The following SVEP1 variants were observed in gnomAD, a reference collection of about 807,000 sequenced individuals.
SVEP1 encodes sushi, von Willebrand factor type A, EGF and pentraxin domain-containing protein 1.
In SVEP1, 164 loss-of-function variants were observed where a neutral mutation model predicts 367.3. The ratio of observed to expected loss-of-function variants is 0.45; its 90% CI spans 0.39 to 0.51. SVEP1 has a LOEUF of 0.51. Ranked by LOEUF, SVEP1 falls within the 20% of genes least tolerant of loss-of-function variation. The probability of loss-of-function intolerance (pLI) is 0.00; values close to 1 mark genes in which losing one functional copy is unlikely to be tolerated. For synonymous variants in SVEP1, 1,666 were observed against 1,611.6 expected, an observed-to-expected ratio of 1.03 and a Z score of -0.81; for missense variants, 4,117 against 4,425.3, an observed-to-expected ratio of 0.93 and a Z score of 1.98.
chr9:110,462,448 GTATT>G (rs1828871391), intron 18 of SVEP1, among the ~76,000 whole-genome samples: 1 of 150,870 alleles, frequency 6.6e-6, no homozygotes, highest in Non-Finnish European at 1.5e-5. Context: ...ATTTAATAGA[GTATT>G]TATATATGTA....
chr9:110,449,265 A>G (rs1828654689), intron 24 of SVEP1, among the ~76,000 whole-genome samples: 1 of 152,206 alleles, frequency 6.6e-6, no homozygotes, highest in South Asian at 2.1e-4. Flanking sequence ...TACTATTTTC[A>G]GCCACAAAAG....
chr9:110,446,400 G>GGAGGTGCTGCAAGGGC (rs1456136782), intron 25 of SVEP1, among the ~76,000 whole-genome samples: 4 of 152,158 alleles, frequency 2.6e-5, no homozygotes, highest in African/African-American at 9.7e-5. Flanking sequence ...GAGAGAAGGA[G>GGAGGTGCTGCAAGGGC]GAGGTGCTGC....
chr9:110,443,849 C>CTT, intron 26 of SVEP1, 129 bp from the exon 27 acceptor site: 7 of 673,874 alleles, frequency 1.0e-5, no homozygotes, highest in Non-Finnish European at 1.5e-5. Flanking sequence ...ATCCATTACT[C>CTT]TTTTTTTTTC....
chr9:110,385,474 C>A (rs189803902), intron 43 of SVEP1, among the ~76,000 whole-genome samples: 1 of 152,276 alleles, frequency 6.6e-6, no homozygotes, highest in Non-Finnish European at 1.5e-5. Context: ...TCCTCATCAG[C>A]AACATCTAGA....
intron 30 of SVEP1, among the ~76,000 whole-genome samples, chr9:110,433,377 A>C (rs1172839957): frequency 2.0e-5 from 3 of 151,570 alleles, no homozygotes; most frequent in African/African-American, 4.8e-5. Flanking sequence ...AAAAAAAAAA[A>C]AAAAAAAAAA....
At position 110,411,054 on chromosome 9, in the gene SVEP1, G is replaced by T. The variant is rs189932278; in HGVS notation, c.6648+9C>A. 2.3e-5 allele frequency: 36 copies of T among 1,544,068 alleles called. No homozygotes were observed. In the Admixed American group the frequency reaches 5.2e-4, roughly 22 times the overall value. On this transcript the variant is annotated intron_variant, in intron 37 of 47. Transcript: ENST00000374469. Reference sequence around the variant, plus strand: ...AAAGCCACAGACCATTTGCTAATTGGTCTCTTACCTCCAGAAAGCCATTCT... The same window carrying T: ...AAAGCCACAGACCATTTGCTAATTGTTCTCTTACCTCCAGAAAGCCATTCT...
Position 110,414,065 on chromosome 9 carries a change from GCTCT to G in SVEP1, c.5976-2334_5976-2331del, listed in dbSNP as rs199903536. 7.1e-3 allele frequency among the ~76,000 whole-genome samples: 1,086 copies of G among 152,068 alleles called. 33 individuals carry two copies. The highest frequency in any genetic ancestry group is 0.025 in the African/African-American group (1,027 of 41,346). On this transcript the variant is annotated intron_variant, in intron 36 of 47. Coordinates refer to ENST00000374469, the MANE Select transcript of SVEP1 (RefSeq NM_153366.4). The stretch of plus-strand genomic sequence containing the variant: ...ACACCTACACCTTTTCCATAACACT[GCTCT>G]CTGTCTCTCTGTTTTGAAAGTGAAG...
intron 38 of SVEP1, among the ~76,000 whole-genome samples, chr9:110,405,597 G>A (rs1341414454): frequency 6.6e-6 from 1 of 151,664 alleles, no homozygotes; most frequent in African/African-American, 2.4e-5. Flanking sequence ...TAATTCATAT[G>A]TATTATGAAT....
At chr9:110,572,415 G>A (rs528500428) in intron 1 of SVEP1, among the ~76,000 whole-genome samples, 3 of 152,250 alleles carry the variant, frequency 2.0e-5, no homozygotes, top group African/African-American at 7.2e-5. Flanking sequence ...ATAATAATAA[G>A]TGCCTTTAAC....
intron 1 of SVEP1, among the ~76,000 whole-genome samples, chr9:110,559,110 ACAG>A (rs1830391002): frequency 6.6e-6 from 1 of 152,224 alleles, no homozygotes; most frequent in African/African-American, 2.4e-5. Context: ...TATTAGAAAA[ACAG>A]CAGATTTCCC....
At chr9:110,380,103 A>T (rs1040648362) in intron 43 of SVEP1, among the ~76,000 whole-genome samples, 17 of 152,206 alleles carry the variant, frequency 1.1e-4, no homozygotes, top group African/African-American at 3.9e-4. Context: ...CAATACTGTA[A>T]AAGAGTGACT....
chr9:110,423,169 A>AAAAAAAAAAAAAAAAAAAAAAAAAG (rs1828197379), intron 36 of SVEP1, among the ~76,000 whole-genome samples: 1 of 35,612 alleles, frequency 2.8e-5, no homozygotes, highest in Non-Finnish European at 4.9e-5. Context: ...AAAATAAAGT[A>AAAAAAAAAAAAAAAAAAAAAAAAAG]AAAAAAAAAA....
In SVEP1 at chr9:110,411,215, C is replaced by T; in HGVS notation, c.6496G>A (p.Ala2166Thr). The T allele has an allele frequency of 6.2e-7, 1 of 1,614,028 alleles. No individual in the cohort carries two copies. Among genetic ancestry groups the T allele is most frequent in the African/African-American group, 1.3e-5 (1 of 75,064 alleles). ...TTGTTGCAGCTGTAAGCCACCATGG[C>T]TCCAAAACTGTAGTTTGATCCACTT... ...YASGSNYSFG[A>T]MVAYSCNKGF... The change falls in exon 37 of 48, where the codon GCC (alanine) becomes ACC (threonine). Residue 2166 changes from alanine (A) to threonine (T), a missense_variant. Physicochemically the swap from Ala to Thr is moderately conservative, Grantham distance 58 (BLOSUM62 0). Around this residue, in one of 4 missense-constraint regions of SVEP1, gnomAD observed 1,765 missense variants for 1,781.1 expected, o/e 0.99. Transcript: ENST00000374469.
chr9:110,515,449 C>T (rs7048693), intron 3 of SVEP1, among the ~76,000 whole-genome samples: 24,982 of 151,712 alleles, frequency 0.16, 2,565 homozygotes, highest in Admixed American at 0.26. Flanking sequence ...TACAGGCACC[C>T]GCCACCACGC....
chr9:110,525,019 T>C (rs1463669713), intron 3 of SVEP1, among the ~76,000 whole-genome samples: 1 of 152,124 alleles, frequency 6.6e-6, no homozygotes, highest in Non-Finnish European at 1.5e-5. Flanking sequence ...TTATTCTTAA[T>C]AATGAAAGTC....
chr9:110,544,520 A>C (rs983006588), intron 3 of SVEP1, among the ~76,000 whole-genome samples: 5 of 152,232 alleles, frequency 3.3e-5, no homozygotes, highest in African/African-American at 1.2e-4. Flanking sequence ...AAGATTCCTA[A>C]GTTTCCTTTC....
Position 110,458,946 on chromosome 9 carries a change from T to C in SVEP1, c.3484+6A>G. The C allele has an allele frequency of 1.2e-6, 2 of 1,608,516 alleles. No homozygotes were observed. The highest frequency in any genetic ancestry group is 1.7e-6 in the Non-Finnish European group (2 of 1,175,788). ...AGGATTACATAAGAAATGAAGTTCATCTTACTTGAACATTCTGTGATGGAT... is the reference window on the plus strand; with the variant it reads ...AGGATTACATAAGAAATGAAGTTCACCTTACTTGAACATTCTGTGATGGAT... On this transcript the variant is annotated splice_donor_region_variant and intron_variant, in intron 19 of 47. Coordinates refer to ENST00000374469, the MANE Select transcript of SVEP1 (RefSeq NM_153366.4).
At chr9:110,435,116 T>A in intron 29 of SVEP1, 125 bp downstream of exon 29, 2 of 1,096,112 alleles carry the variant, frequency 1.8e-6, no homozygotes, top group Non-Finnish European at 2.4e-6. Context: ...AATTACTAGT[T>A]ACAAAAAGTA....
chr9:110,440,766 T>C (rs528514215), intron 27 of SVEP1, among the ~76,000 whole-genome samples: 6 of 152,286 alleles, frequency 3.9e-5, no homozygotes, highest in Admixed American at 3.9e-4. Context: ...ATGTGTATGG[T>C]AGATACTGAG....
Sources: allele counts gnomAD v4.1 joint callset (sites outside exome capture counted in the v4.1 genomes callset), GRCh38; gene constraint gnomAD v4.1.1; regional missense constraint gnomAD v4.1.1; transcripts MANE v1.5; gene names NCBI Gene and HGNC (gene_info 2026-07-23, HGNC 2026-07-21).